Variants in NCKAP5 observed in about 807,000 individuals in gnomAD.
NCKAP5 encodes NCK associated protein 5.
In NCKAP5, 92 loss-of-function variants were observed where a neutral mutation model predicts 167.0. The observed-to-expected ratio is 0.55, with a 90% CI of 0.47 to 0.66. The LOEUF (loss-of-function observed/expected upper bound fraction) is 0.66. Among genes scored for constraint, NCKAP5 ranks in the 30% least tolerant of loss-of-function variants. The pLI, the probability that NCKAP5 is intolerant of heterozygous loss-of-function variation, is 0.00. For synonymous variants in NCKAP5, 891 were observed against 877.4 expected, an observed-to-expected ratio of 1.02 and a Z score of -0.27; for missense variants, 2,378 against 2,315.0, an observed-to-expected ratio of 1.03 and a Z score of -0.56.
chr2:133,146,330 A>G (rs1281528018), intron 5 of NCKAP5, among the ~76,000 whole-genome samples: 1 of 152,114 alleles, frequency 6.6e-6, no homozygotes, highest in Non-Finnish European at 1.5e-5. Flanking sequence ...AAAAAGCAAC[A>G]TCTAGATAAA....
intron 4 of NCKAP5, among the ~76,000 whole-genome samples, chr2:133,225,929 C>A (rs1197651591): frequency 2.0e-5 from 3 of 151,526 alleles, no homozygotes; most frequent in Non-Finnish European, 4.4e-5. Context: ...ACTACAGGCA[C>A]GTGCCACCAC....
intron 6 of NCKAP5, among the ~76,000 whole-genome samples, chr2:133,023,838 T>A (rs72996839): frequency 6.6e-6 from 1 of 152,132 alleles, no homozygotes; most frequent in African/African-American, 2.4e-5. Flanking sequence ...TTTTTAAAAT[T>A]AAATCCACCA....
intron 3 of NCKAP5, among the ~76,000 whole-genome samples, chr2:133,329,991 A>G (rs992757038): frequency 6.6e-6 from 1 of 151,460 alleles, no homozygotes; most frequent in African/African-American, 2.4e-5. Flanking sequence ...TGAAAGATAA[A>G]GAGTATAATA....
chr2:133,610,270 C>T, the NCKAP5 span, among the ~76,000 whole-genome samples: 10 of 152,134 alleles, frequency 6.6e-5, no homozygotes, highest in Admixed American at 3.3e-4. Flanking sequence ...GCAAGTACCC[C>T]ATAGACCAGA....
chr2:132,763,207 T>G (rs1439812906), intron 16 of NCKAP5, among the ~76,000 whole-genome samples: 1 of 152,204 alleles, frequency 6.6e-6, no homozygotes, highest in African/African-American at 2.4e-5. Context: ...AAAATCTCCA[T>G]AGTCTATATA....
chr2:133,449,328 T>C (rs1460758031), intron 3 of NCKAP5, among the ~76,000 whole-genome samples: 1 of 152,236 alleles, frequency 6.6e-6, no homozygotes, highest in African/African-American at 2.4e-5. Context: ...CCTTCACTTT[T>C]AGCAAAACGA....
chr2:133,270,947 T>C (rs1240433929), intron 4 of NCKAP5, among the ~76,000 whole-genome samples: 2 of 140,346 alleles, frequency 1.4e-5, no homozygotes, highest in East Asian at 4.2e-4. Context: ...TGAGAGGGAG[T>C]CTCACTCTGT....
the NCKAP5 span, among the ~76,000 whole-genome samples, chr2:133,614,176 G>C: frequency 2.6e-5 from 4 of 152,124 alleles, no homozygotes; most frequent in African/African-American, 9.7e-5. Context: ...CTGTGAGCCC[G>C]CTTGCTTTCT....
intron 2 of NCKAP5, among the ~76,000 whole-genome samples, chr2:133,548,977 G>A (rs1286630663): frequency 1.3e-5 from 2 of 151,796 alleles, no homozygotes; most frequent in African/African-American, 2.4e-5. Context: ...CTGTATTCAG[G>A]AAACCCATCT....
intron 3 of NCKAP5, among the ~76,000 whole-genome samples, chr2:133,487,600 G>A (rs1470153815): frequency 2.0e-5 from 3 of 152,124 alleles, no homozygotes; most frequent in African/African-American, 7.2e-5. Flanking sequence ...AGGCAGGGGG[G>A]AGTTGGGAGA....
At chr2:133,588,134 T>C in the NCKAP5 span, among the ~76,000 whole-genome samples, 2 of 152,236 alleles carry the variant, frequency 1.3e-5, no homozygotes. Flanking sequence ...GAGTCAACTA[T>C]GTCACAATGT....
chr2:133,457,928 G>C (rs1691958417), intron 3 of NCKAP5, among the ~76,000 whole-genome samples: 1 of 152,138 alleles, frequency 6.6e-6, no homozygotes, highest in Admixed American at 6.6e-5. Flanking sequence ...GTTTAAATTA[G>C]TGTGTAAGTG....
chr2:133,364,843 C>T lies in NCKAP5; in HGVS notation c.70-61733G>A, dbSNP rs1266704807. Among the ~76,000 whole-genome samples, 5 of 152,106 alleles carry T rather than the reference C, an allele frequency of 3.3e-5. No homozygotes were observed. The East Asian group carries it at 9.7e-4, about 30-fold the overall frequency. On this transcript the variant is annotated intron_variant, in intron 3 of 19. Coordinates refer to ENST00000409261, the MANE Select transcript of NCKAP5 (RefSeq NM_207363.3). ...CATCTTGGCTCACTGCTGCCTCTGC[C>T]TCCCAGGCTCAAGCAATGCACCTCA...
chr2:132,914,190 A>G (rs1260718846), intron 8 of NCKAP5, among the ~76,000 whole-genome samples: 1 of 152,210 alleles, frequency 6.6e-6, no homozygotes, highest in Non-Finnish European at 1.5e-5. Context: ...TATGTTTCTT[A>G]AAATCTAGGA....
intron 3 of NCKAP5, among the ~76,000 whole-genome samples, chr2:133,383,611 CTA>C (rs1339920372): frequency 6.6e-6 from 1 of 152,172 alleles, no homozygotes; most frequent in African/African-American, 2.4e-5. Flanking sequence ...AATGGTATTT[CTA>C]GTTCTAGAAC....
At chr2:132,949,030 AAAAGAAAAGAAAAGAAAAG>A (rs1429825412) in intron 8 of NCKAP5, among the ~76,000 whole-genome samples, 3 of 149,286 alleles carry the variant, frequency 2.0e-5, no homozygotes, top group African/African-American at 7.5e-5. Flanking sequence ...AAAAGAAAAG[AAAAGAAAAGAAAAGAAAAG>A]AAACATGGTG....
At chr2:133,269,416 G>A (rs2089409022) in intron 4 of NCKAP5, among the ~76,000 whole-genome samples, 1 of 152,162 alleles carries the variant, frequency 6.6e-6, no homozygotes, top group African/African-American at 2.4e-5. Context: ...AAATCTCACT[G>A]AGAATGCTAA....
chr2:132,689,507 C>T (rs1328706256), intron 19 of NCKAP5, among the ~76,000 whole-genome samples: 1 of 152,156 alleles, frequency 6.6e-6, no homozygotes, highest in East Asian at 1.9e-4. Flanking sequence ...TCATGAAGTA[C>T]TGTAGTTGAG....
chr2:132,733,888 A>G (rs556902543), intron 16 of NCKAP5, among the ~76,000 whole-genome samples: 31 of 152,324 alleles, frequency 2.0e-4, no homozygotes, highest in Non-Finnish European at 4.1e-4. Context: ...TACTAGGAAG[A>G]TGAAGTCCCT....
Sources: allele counts gnomAD v4.1 joint callset (sites outside exome capture counted in the v4.1 genomes callset), GRCh38; gene constraint gnomAD v4.1.1; transcripts MANE v1.5; gene names NCBI Gene and HGNC (gene_info 2026-07-23, HGNC 2026-07-21).